The following ROBO1 variants were observed in gnomAD, a reference collection of about 807,000 sequenced individuals.
ROBO1 encodes roundabout homolog 1.
Under a neutral mutation model 195.9 loss-of-function variants are expected in ROBO1, and 149 were observed. The ratio of observed to expected loss-of-function variants is 0.76; its 90% CI spans 0.67 to 0.87. The LOEUF (loss-of-function observed/expected upper bound fraction) is 0.87, where lower values mean the gene tolerates loss of function less well. Ranked by LOEUF, ROBO1 falls within the 40% of genes least tolerant of loss-of-function variation. The pLI, the probability that ROBO1 is intolerant of heterozygous loss-of-function variation, is 0.00. For missense variants in ROBO1, 1,933 were observed against 2,068.3 expected (o/e 0.93, Z 1.27); for synonymous variants, 816 against 733.2 (o/e 1.11, Z -1.82).
intron 2 of ROBO1, among the ~76,000 whole-genome samples, chr3:79,186,344 C>G (rs2081437696): frequency 6.7e-6 from 1 of 149,428 alleles, no homozygotes; most frequent in Non-Finnish European, 1.5e-5. Flanking sequence ...TTTATAAACA[C>G]ACGTGTTTTA....
chr3:79,375,267 G>T (rs2109351407), intron 2 of ROBO1, among the ~76,000 whole-genome samples: 1 of 152,230 alleles, frequency 6.6e-6, no homozygotes, highest in African/African-American at 2.4e-5. Flanking sequence ...GAAAAAGATA[G>T]ACAGAGTTGG....
intron 2 of ROBO1, among the ~76,000 whole-genome samples, chr3:79,375,472 A>T (rs17016897): frequency 1.3e-5 from 2 of 152,204 alleles, no homozygotes; most frequent in African/African-American, 4.8e-5. Flanking sequence ...AGGCCCAGTA[A>T]GGAAAATATC....
intron 4 of ROBO1, among the ~76,000 whole-genome samples, chr3:78,930,980 C>G (rs1439252685): frequency 2.0e-5 from 3 of 152,210 alleles, no homozygotes; most frequent in Middle Eastern, 3.4e-3. Context: ...CAAAATTAAG[C>G]ATAAAGTTAT....
At chr3:78,813,433 C>T (rs915479032) in intron 4 of ROBO1, among the ~76,000 whole-genome samples, 3 of 152,030 alleles carry the variant, frequency 2.0e-5, no homozygotes, top group Non-Finnish European at 2.9e-5. Flanking sequence ...GATCTAAAAA[C>T]TGTCGTGTCT....
At chr3:79,338,137 G>T (rs2034753911) in intron 2 of ROBO1, among the ~76,000 whole-genome samples, 3 of 152,074 alleles carry the variant, frequency 2.0e-5, no homozygotes, top group Admixed American at 1.3e-4. Context: ...ATTTAAAAAT[G>T]CAGTAATTGC....
chr3:79,673,837 C>G (rs755261622), intron 1 of ROBO1, among the ~76,000 whole-genome samples: 1 of 151,900 alleles, frequency 6.6e-6, no homozygotes. Flanking sequence ...CTCTTCCACT[C>G]GCTGCAGTCT....
chr3:79,671,434 G>T (rs1177489242), intron 1 of ROBO1, among the ~76,000 whole-genome samples: 1 of 151,754 alleles, frequency 6.6e-6, no homozygotes, highest in Non-Finnish European at 1.5e-5. Flanking sequence ...CACTCTCATT[G>T]AGTAGAAATA....
chr3:79,394,143 A>T (rs2037052999), intron 2 of ROBO1, among the ~76,000 whole-genome samples: 1 of 152,118 alleles, frequency 6.6e-6, no homozygotes, highest in Non-Finnish European at 1.5e-5. Flanking sequence ...TAAAAGAAAA[A>T]AAAAGATTTT....
At chr3:79,013,415 G>A (rs1209904148) in intron 3 of ROBO1, among the ~76,000 whole-genome samples, 8 of 152,184 alleles carry the variant, frequency 5.3e-5, no homozygotes, top group Admixed American at 2.6e-4. Context: ...GTTAGATGAT[G>A]TAAAGAACTG....
rs114358162 is a variant in ROBO1, at chr3:79,481,256, C to T, written c.88+108568G>A. 3.1e-3 allele frequency among the ~76,000 whole-genome samples: 469 copies of T among 151,830 alleles called. 2 individuals are homozygous for T. The highest frequency in any genetic ancestry group is 0.011 in the African/African-American group (449 of 41,434). ...GAACTCACTTCCTTTGTTCTGCAAGCGAAAAATAAAGATATTAGTAGAATG... is the reference window on the plus strand; with the variant it reads ...GAACTCACTTCCTTTGTTCTGCAAGTGAAAAATAAAGATATTAGTAGAATG... On this transcript the variant is annotated intron_variant, in intron 2 of 30. Transcript: ENST00000464233.
chr3:78,838,653 C>T (rs1465999004), intron 4 of ROBO1, among the ~76,000 whole-genome samples: 1 of 152,154 alleles, frequency 6.6e-6, no homozygotes, highest in Non-Finnish European at 1.5e-5. Context: ...TGAGCGAGAA[C>T]TCACTTACCC....
chr3:78,939,955 G>T (rs753113459), intron 3 of ROBO1, among the ~76,000 whole-genome samples: 24 of 151,948 alleles, frequency 1.6e-4, no homozygotes, highest in Middle Eastern at 3.2e-3. Context: ...TTCTGTGTCT[G>T]TACCTTATTT....
At chr3:78,732,422 G>A (rs2082305649) in intron 5 of ROBO1, among the ~76,000 whole-genome samples, 1 of 152,092 alleles carries the variant, frequency 6.6e-6, no homozygotes, top group Non-Finnish European at 1.5e-5. Context: ...AAAACAATGT[G>A]TATGTTTACA....
intron 3 of ROBO1, among the ~76,000 whole-genome samples, chr3:79,006,080 A>G (rs1041267498): frequency 5.9e-5 from 9 of 152,136 alleles, no homozygotes; most frequent in Non-Finnish European, 1.3e-4. Context: ...CATTTTGATA[A>G]TTTCTCTTCT....
chr3:79,208,580 T>C (rs1351652221), intron 2 of ROBO1, among the ~76,000 whole-genome samples: 2 of 152,032 alleles, frequency 1.3e-5, no homozygotes, highest in South Asian at 4.1e-4. Context: ...GAGAGAAGGA[T>C]AGGATAGCAG....
chr3:78,856,047 T>C (rs1246523461), intron 4 of ROBO1, among the ~76,000 whole-genome samples: 1 of 151,860 alleles, frequency 6.6e-6, no homozygotes, highest in East Asian at 1.9e-4. Context: ...CTACCAGAAC[T>C]TTCCTTTTTC....
chr3:78,642,241 T>C (rs1394552681), intron 21 of ROBO1, among the ~76,000 whole-genome samples: 1 of 152,148 alleles, frequency 6.6e-6, no homozygotes, highest in Admixed American at 6.6e-5. Context: ...AAATGCACTT[T>C]AGTAATTATA....
At chr3:78,770,858 G>A (rs2083354953) in intron 4 of ROBO1, among the ~76,000 whole-genome samples, 1 of 152,064 alleles carries the variant, frequency 6.6e-6, no homozygotes, top group Non-Finnish European at 1.5e-5. Context: ...TGAGCCCAGT[G>A]ATTCAAGACC....
rs563390620 is a variant in ROBO1, at chr3:79,535,630, G to T, written c.88+54194C>A. Among the ~76,000 whole-genome samples, 6 of 152,142 alleles carry T rather than the reference G, an allele frequency of 3.9e-5. No individual in the cohort carries two copies. In the South Asian group the frequency reaches 1.0e-3, roughly 26 times the overall value. On this transcript the variant is annotated intron_variant, in intron 2 of 30. Coordinates refer to ENST00000464233, the MANE Select transcript of ROBO1 (RefSeq NM_002941.4). ...GAGCATGATGTCAATCCTAACCAAT[G>T]GGATTTTAGGAAAGGTGTGTTGGAC...
Sources: gnomAD v4.1 joint callset for allele counts (sites outside exome capture counted in the v4.1 genomes callset) on GRCh38, gnomAD v4.1.1 for gene constraint, MANE v1.5 for transcripts, NCBI Gene and HGNC (gene_info 2026-07-23, HGNC 2026-07-21) for gene names.